The following RECK variants were observed in gnomAD, a reference collection of about 807,000 sequenced individuals.
The protein encoded by RECK is reversion-inducing cysteine-rich protein with Kazal motifs.
A neutral mutation model predicts 115.1 loss-of-function variants in RECK; 69 were observed. That is an observed-to-expected ratio of 0.60 (90% CI 0.49 to 0.73). The LOEUF is 0.73. Ranked by LOEUF, RECK falls within the 30% of genes least tolerant of loss-of-function variation. The pLI is 0.00. For missense variants in RECK, 1,047 were observed against 1,203.7 expected (o/e 0.87, Z 1.93); for synonymous variants, 414 against 419.7 (o/e 0.99, Z 0.17).
At chr9:36,063,145 T>A (rs1821852232) in intron 4 of RECK, among the ~76,000 whole-genome samples, 1 of 151,788 alleles carries the variant, frequency 6.6e-6, no homozygotes, top group South Asian at 2.1e-4. Context: ...AAAAAAAAAA[T>A]TAGAACACTT....
At chr9:36,089,717 C>A (rs754496730) in intron 9 of RECK, among the ~76,000 whole-genome samples, 1 of 152,014 alleles carries the variant, frequency 6.6e-6, no homozygotes, top group African/African-American at 2.4e-5. Flanking sequence ...AAATGAATGT[C>A]GTGTTTAGAC....
chr9:36,105,728 G>A (rs2132658100), intron 13 of RECK, among the ~76,000 whole-genome samples: 1 of 152,194 alleles, frequency 6.6e-6, no homozygotes, highest in Non-Finnish European at 1.5e-5. Context: ...TCAATAGAAT[G>A]TATAGCTATC....
intron 10 of RECK, 70 bp from the exon 11 acceptor site, chr9:36,100,261 G>A: frequency 7.6e-7 from 1 of 1,307,918 alleles, no homozygotes. Context: ...TAGTATGTCA[G>A]GATTTTACTT....
intron 6 of RECK, among the ~76,000 whole-genome samples, chr9:36,072,048 G>A (rs943724761): frequency 6.6e-6 from 1 of 152,116 alleles, no homozygotes; most frequent in Admixed American, 6.5e-5. Context: ...ATATATATAT[G>A]TATAGTCCTC....
intron 7 of RECK, 88 bp downstream of exon 7, chr9:36,080,726 T>C: frequency 1.7e-6 from 2 of 1,178,878 alleles, no homozygotes; most frequent in South Asian, 1.3e-5. Flanking sequence ...TCCGATAGGC[T>C]CTTTCCCATG....
In RECK at chr9:36,097,352, A is replaced by T. The variant is rs1346272293; in HGVS notation, c.1086-2979A>T. 2.6e-5 allele frequency among the ~76,000 whole-genome samples: 4 copies of T among 151,948 alleles called. No individual in the cohort carries two copies. In the East Asian group the frequency reaches 7.7e-4, roughly 29 times the overall value. On this transcript the variant is annotated intron_variant, in intron 10 of 20. Transcript: ENST00000377966. Reference sequence around the variant, plus strand: ...CAAAAAAAAAAAAAAAAAGAAAAAAATTGTGCAAGAAACTTTCAAAGACCC... The same window carrying T: ...CAAAAAAAAAAAAAAAAAGAAAAAATTTGTGCAAGAAACTTTCAAAGACCC...
intron 11 of RECK, 150 bp from the exon 12 acceptor site, chr9:36,101,944 A>G: frequency 1.4e-6 from 1 of 706,990 alleles, no homozygotes; most frequent in East Asian, 2.8e-5. Flanking sequence ...TTATTATTCA[A>G]CCTGAGCTCT....
chr9:36,043,772 G>A (rs1291246386), intron 1 of RECK, among the ~76,000 whole-genome samples: 1 of 152,056 alleles, frequency 6.6e-6, no homozygotes, highest in African/African-American at 2.4e-5. Flanking sequence ...TTGTTGAGTA[G>A]GATGCCCTTT....
intron 14 of RECK, among the ~76,000 whole-genome samples, chr9:36,109,621 A>G (rs1823955495): frequency 6.6e-6 from 1 of 152,218 alleles, no homozygotes; most frequent in East Asian, 1.9e-4. Context: ...AGGCAGGCAG[A>G]TGGCATGAGC....
At chr9:36,091,375 T>C (rs1241422992) in intron 10 of RECK, 32 bp downstream of exon 10, 4 of 1,351,858 alleles carry the variant, frequency 3.0e-6, no homozygotes, top group Non-Finnish European at 4.0e-6. Flanking sequence ...GGAATGGAAA[T>C]ATTTTATCAT....
At chr9:36,116,699 G>GC (rs563996296) in intron 16 of RECK, among the ~76,000 whole-genome samples, 9 of 151,768 alleles carry the variant, frequency 5.9e-5, no homozygotes, top group South Asian at 4.2e-4. Context: ...TGCCCCCTTT[G>GC]CCCCCCCAGC....
In RECK at chr9:36,037,050, G is replaced by A; in HGVS notation, c.52G>A (p.Val18Met). 2 of 1,399,662 alleles carry A rather than the reference G, an allele frequency of 1.4e-6. No individual in the cohort carries two copies. The highest frequency in any genetic ancestry group is 1.5e-5 in the South Asian group (1 of 65,196). 86.7% of individuals were successfully genotyped at this position (1,399,662 alleles called of 1,614,324 possible). A position where few individuals can be genotyped will look rare whatever the true frequency, so the allele number is the denominator to read the frequency against. ...LRGALLLLLA[V>M]AGVAEVAGGL... ...AGGTGCGCTGCTCCTTCTGCTGGCC[G>A]TGGCGGGGGTCGCGGAGGTGGCAGG... The change falls in exon 1 of 21, where the codon GTG (valine) becomes ATG (methionine). Residue 18 changes from valine (V) to methionine (M), a missense_variant. By Grantham distance (21) the Val-to-Met change is conservative. Transcript: ENST00000377966.
intron 8 of RECK, among the ~76,000 whole-genome samples, chr9:36,087,292 C>T (rs1192065507): frequency 3.9e-5 from 6 of 152,174 alleles, no homozygotes; most frequent in Admixed American, 3.9e-4. Context: ...ACATCTACAC[C>T]ATGGAATACT....
Position 36,123,165 on chromosome 9 carries a change from G to A in RECK, c.*120G>A, listed in dbSNP as rs1358695521. ...GGAAAGGCACATGTCACCTCTATTC[G>A]CCACACAGTATTTTTTTTTTTAATC... On this transcript the variant is annotated 3_prime_UTR_variant, in exon 21 of 21. Transcript: ENST00000377966. 8.8e-6 allele frequency: 6 copies of A among 681,874 alleles called. No homozygotes were observed. The highest frequency in any genetic ancestry group is 5.6e-5 in the East Asian group (2 of 35,814). 42.2% of individuals were successfully genotyped at this position (681,874 alleles called of 1,614,324 possible). A position where few individuals can be genotyped will look rare whatever the true frequency, so the allele number is the denominator to read the frequency against.
chr9:36,039,838 A>G (rs1820808909), intron 1 of RECK, among the ~76,000 whole-genome samples: 1 of 152,230 alleles, frequency 6.6e-6, no homozygotes, highest in Non-Finnish European at 1.5e-5. Flanking sequence ...TTCTCTTACC[A>G]AAGAAGTATC....
rs71508011 is a variant in RECK, at chr9:36,092,542, ATTTTTTT to A, written c.1085+1214_1085+1220del. 6.9e-3 allele frequency among the ~76,000 whole-genome samples: 811 copies of A among 117,056 alleles called. 7 individuals are homozygous for A. Among genetic ancestry groups the A allele is most frequent in the African/African-American group, 0.023 (735 of 32,032 alleles). 76.8% of individuals were successfully genotyped at this position (117,056 alleles called of 152,430 possible). On this transcript the variant is annotated intron_variant, in intron 10 of 20. Coordinates refer to ENST00000377966, the MANE Select transcript of RECK (RefSeq NM_021111.3). ...AGGCGCCTGCCACCACACCCAGCTA[ATTTTTTT>A]TTTTTTTTTTTTTTGTATTTTTAGT...
intron 6 of RECK, among the ~76,000 whole-genome samples, chr9:36,069,277 C>T (rs1016248004): frequency 6.6e-6 from 1 of 152,008 alleles, no homozygotes; most frequent in Non-Finnish European, 1.5e-5. Flanking sequence ...CGGTGGCTCA[C>T]ACCTGTAATC....
In RECK at chr9:36,083,362, T is replaced by G; in HGVS notation, c.440-3T>G. 1 of 1,613,688 alleles carries G rather than the reference T, an allele frequency of 6.2e-7. No individual in the cohort carries two copies. The highest frequency in any genetic ancestry group is 8.5e-7 in the Non-Finnish European group (1 of 1,179,742). ...TCAGTGCCTTCTCTTTTTTTCTCCA[T>G]AGTGGGCTCGGTTTGTTGCAGTTAT... On this transcript the variant is annotated splice_region_variant and splice_polypyrimidine_tract_variant and intron_variant, in intron 7 of 20. Transcript: ENST00000377966.
chr9:36,095,935 G>A (rs1399349635), intron 10 of RECK, among the ~76,000 whole-genome samples: 1 of 151,562 alleles, frequency 6.6e-6, no homozygotes, highest in African/African-American at 2.4e-5. Context: ...AATTAGCCAG[G>A]CATGGTGGCG....
Sources: gnomAD v4.1 joint callset for allele counts (sites outside exome capture counted in the v4.1 genomes callset) on GRCh38, gnomAD v4.1.1 for gene constraint, MANE v1.5 for transcripts, NCBI Gene and HGNC (gene_info 2026-07-23, HGNC 2026-07-21) for gene names.